CKMT2: variants seen among roughly 807,000 people sequenced by gnomAD.
The protein encoded by CKMT2 is creatine kinase, mitochondrial 2.
CKMT2 carries 43 observed loss-of-function variants against 48.9 expected under a neutral mutation model. That is an observed-to-expected ratio of 0.88 (90% confidence interval 0.69 to 1.13). CKMT2 has a LOEUF of 1.13. CKMT2 is among the 50% of genes most tolerant of loss of function. CKMT2 has a pLI of 0.00. For synonymous variants in CKMT2, 206 were observed against 213.0 expected (o/e 0.97, Z 0.29); for missense variants, 472 against 555.4 (o/e 0.85, Z 1.51).
intron 8 of CKMT2, among the ~76,000 whole-genome samples, chr5:81,260,908 A>AT (rs1757200268): frequency 6.6e-6 from 1 of 152,214 alleles, no homozygotes; most frequent in African/African-American, 2.4e-5. Flanking sequence ...CAGAGACACA[A>AT]TAAAAAAAGA....
intron 4 of CKMT2, 110 bp from the exon 5 acceptor site, chr5:81,254,883 G>C: frequency 1.1e-6 from 1 of 893,250 alleles, no homozygotes; most frequent in East Asian, 2.5e-5. Flanking sequence ...GTCGTGCACA[G>C]TGCCTGAGGG....
chr5:81,247,238 G>A (rs1756643210), intron 1 of CKMT2, among the ~76,000 whole-genome samples: 1 of 152,218 alleles, frequency 6.6e-6, no homozygotes, highest in South Asian at 2.1e-4. Flanking sequence ...GCTTTGCAAT[G>A]AGCCTGAGAT....
At chr5:81,246,562 A>G (rs1488102168) in intron 1 of CKMT2, among the ~76,000 whole-genome samples, 2 of 152,180 alleles carry the variant, frequency 1.3e-5, no homozygotes, top group Non-Finnish European at 2.9e-5. Flanking sequence ...AAGCCCCCAC[A>G]GGAGAGAACT....
chr5:81,235,408 AG>A (rs1009375969), intron 1 of CKMT2, among the ~76,000 whole-genome samples: 2 of 152,184 alleles, frequency 1.3e-5, no homozygotes, highest in African/African-American at 4.8e-5. Flanking sequence ...TCCAAGCCCA[AG>A]GACATCCTCT....
chr5:81,242,221 T>G, intron 1 of CKMT2: 1 of 242,996 alleles, frequency 4.1e-6, no homozygotes, highest in Non-Finnish European at 8.0e-6. Flanking sequence ...TTGGTGGCTT[T>G]TATTGATAGG....
At position 81,254,484 on chromosome 5, in the gene CKMT2, C is replaced by T; in HGVS notation, c.440C>T (p.Ala147Val). Reference sequence around the variant, plus strand: ...ATGAAGCACACAACGGATCTGGATGCATCAAAGGTAGGCTCCAGCCTCCCT... The same window carrying T: ...ATGAAGCACACAACGGATCTGGATGTATCAAAGGTAGGCTCCAGCCTCCCT... ...RVMKHTTDLD[A>V]SKITQGQFDE... is the part of the protein sequence containing the mutation. Residue 147 changes from alanine to valine, a missense_variant, in exon 4 of 10, where the codon GCA becomes GTA. By Grantham distance (64) the Ala-to-Val change is moderately conservative (BLOSUM62 0). Coordinates refer to ENST00000254035, the MANE Select transcript of CKMT2 (RefSeq NM_001099735.2). 5 of 1,613,858 alleles carry T rather than the reference C, an allele frequency of 3.1e-6. No homozygotes were observed. The highest frequency in any genetic ancestry group is 4.2e-6 in the Non-Finnish European group (5 of 1,179,746).
intron 3 of CKMT2, among the ~76,000 whole-genome samples, chr5:81,253,578 C>A (rs1457485395): frequency 6.6e-6 from 1 of 152,140 alleles, no homozygotes; most frequent in East Asian, 1.9e-4. Context: ...TTGCAGGGAG[C>A]TGAAGGCAGT....
intron 8 of CKMT2, among the ~76,000 whole-genome samples, chr5:81,262,940 G>A (rs1757272847): frequency 6.6e-6 from 1 of 152,134 alleles, no homozygotes; most frequent in Non-Finnish European, 1.5e-5. Context: ...GCCCATCAAT[G>A]ATAGACTGGA....
chr5:81,233,395 ACT>A lies in CKMT2; in HGVS notation c.-21+21_-21+22del, dbSNP rs760616755. On this transcript the variant is annotated intron_variant, in intron 1 of 9. Coordinates refer to ENST00000254035, the MANE Select transcript of CKMT2 (RefSeq NM_001099735.2). The stretch of plus-strand genomic sequence containing the variant: ...GCTTCAAGGTCGGTGAGTCCGTGAA[ACT>A]CTGCTTTATTCCTCCAAAGAGGGGT... The A allele has an allele frequency of 7.0e-4, 687 of 985,628 alleles. No homozygotes were observed. The highest frequency in any genetic ancestry group is 7.8e-4 in the Non-Finnish European group (644 of 830,160). 61.1% of individuals were successfully genotyped at this position (985,628 alleles called of 1,614,324 possible).
intron 9 of CKMT2, among the ~76,000 whole-genome samples, chr5:81,264,475 A>T (rs1464613480): frequency 1.3e-5 from 2 of 152,202 alleles, no homozygotes; most frequent in African/African-American, 4.8e-5. Context: ...TATCCCTACC[A>T]GTAAGTACAC....
chr5:81,255,873 G>A (rs187845421), intron 5 of CKMT2, among the ~76,000 whole-genome samples: 1 of 150,148 alleles, frequency 6.7e-6, no homozygotes, highest in Non-Finnish European at 1.5e-5. Flanking sequence ...AGATGCAAAT[G>A]CTAAGAAATA....
intron 8 of CKMT2, among the ~76,000 whole-genome samples, chr5:81,262,198 G>C (rs548928631): frequency 1.3e-5 from 2 of 152,088 alleles, no homozygotes; most frequent in African/African-American, 4.8e-5. Flanking sequence ...ACTCAAGATG[G>C]ATTAAAGACT....
At chr5:81,243,666 T>G (rs528461602) in intron 1 of CKMT2, among the ~76,000 whole-genome samples, 1 of 152,116 alleles carries the variant, frequency 6.6e-6, no homozygotes. Flanking sequence ...GTGCAAGAAC[T>G]GTGTGAGCTT....
intron 1 of CKMT2, 92 bp from the exon 2 acceptor site, chr5:81,251,019 CTA>C (rs1472856214): frequency 4.9e-6 from 4 of 822,464 alleles, no homozygotes; most frequent in African/African-American, 3.7e-5. Context: ...GAAAGAGAGG[CTA>C]TGGCTCCTGC....
chr5:81,262,967 C>T (rs567164062), intron 8 of CKMT2, among the ~76,000 whole-genome samples: 6 of 152,260 alleles, frequency 3.9e-5, no homozygotes, highest in African/African-American at 1.4e-4. Context: ...AAATGTGGCA[C>T]ACATACACCA....
chr5:81,242,248 C>A (rs953563012), intron 1 of CKMT2: 1 of 245,520 alleles, frequency 4.1e-6, no homozygotes, highest in Admixed American at 5.2e-5. Context: ...AAATCCATGT[C>A]TGAAAGAAAT....
rs971207147 is a variant in CKMT2 at position 81,244,039 on chromosome 5, T to C, written c.-20-7074T>C. 28 of 985,248 alleles carry C rather than the reference T, an allele frequency of 2.8e-5. No individual in the cohort carries two copies. In the African/African-American group the frequency reaches 4.4e-4, roughly 15 times the overall value. 61.0% of individuals were successfully genotyped at this position (985,248 alleles called of 1,614,324 possible). On this transcript the variant is annotated intron_variant, in intron 1 of 9. Transcript: ENST00000254035. ...TGACATTTGCCTCTTTCCCCAAAAA[T>C]AGATCAAAGGAAATGTTTCCCTTTG...
At chr5:81,248,407 G>A (rs1476144618) in intron 1 of CKMT2, among the ~76,000 whole-genome samples, 2 of 152,198 alleles carry the variant, frequency 1.3e-5, no homozygotes, top group Non-Finnish European at 2.9e-5. Context: ...CCTCTCTCTA[G>A]TTAGAAAGTG....
At chr5:81,234,210 C>T (rs1195368073) in intron 1 of CKMT2, among the ~76,000 whole-genome samples, 1 of 152,018 alleles carries the variant, frequency 6.6e-6, no homozygotes. Context: ...TGACATTTGA[C>T]AAACAGACCA....
Sources: allele counts gnomAD v4.1 joint callset (sites outside exome capture counted in the v4.1 genomes callset), GRCh38; gene constraint gnomAD v4.1.1; transcripts MANE v1.5; gene names NCBI Gene and HGNC (gene_info 2026-07-23, HGNC 2026-07-21).